The following SPMIP4 variants were observed in gnomAD, a reference collection of about 807,000 sequenced individuals.
SPMIP4 encodes the protein sperm microtubule inner protein 4, also known as sperm-associated microtubule inner protein 4.
At chr7:25,128,934 T>C in the SPMIP4 span, among the ~76,000 whole-genome samples, 9 of 152,216 alleles carry the variant, frequency 5.9e-5, no homozygotes, top group African/African-American at 2.2e-4. This position sits in a 1 kb window ranked among gnomAD's most constrained non-coding sequence, Gnocchi z 4.5. Flanking sequence ...AGAAATTTCA[T>C]GTGGGGGCTA....
chr7:25,144,790 T>C, the SPMIP4 span, among the ~76,000 whole-genome samples: 6 of 152,176 alleles, frequency 3.9e-5, no homozygotes, highest in Non-Finnish European at 7.4e-5. Context: ...CCTGTGAGAT[T>C]AGAGTGATTC....
chr7:25,145,112 A>T, the SPMIP4 span, among the ~76,000 whole-genome samples: 1 of 151,884 alleles, frequency 6.6e-6, no homozygotes, highest in Non-Finnish European at 1.5e-5. Flanking sequence ...ACAGATGTGC[A>T]CCACCACGCC....
the SPMIP4 span, among the ~76,000 whole-genome samples, chr7:25,175,691 G>A: frequency 6.6e-6 from 1 of 152,232 alleles, no homozygotes; most frequent in Admixed American, 6.5e-5. Flanking sequence ...CATTATGAAG[G>A]TAATCCTGAA....
the SPMIP4 span, chr7:25,136,886 T>A: frequency 8.1e-7 from 1 of 1,229,544 alleles, no homozygotes; most frequent in Non-Finnish European, 1.1e-6. This position sits in a 1 kb window ranked among gnomAD's most constrained non-coding sequence, Gnocchi z 5.7. Flanking sequence ...ATTGTCTGAG[T>A]ACACGAGATG....
the SPMIP4 span, among the ~76,000 whole-genome samples, chr7:25,140,682 G>A: frequency 6.6e-6 from 1 of 151,046 alleles, no homozygotes; most frequent in African/African-American, 2.4e-5. Flanking sequence ...CCATCCCCCT[G>A]GCTGAAGCGA....
chr7:25,154,857 C>A, the SPMIP4 span, among the ~76,000 whole-genome samples: 1 of 152,296 alleles, frequency 6.6e-6, no homozygotes, highest in East Asian at 1.9e-4. Flanking sequence ...GGCGCGCCAG[C>A]TGATTTGTAA....
the SPMIP4 span, among the ~76,000 whole-genome samples, chr7:25,162,175 G>A: frequency 4.0e-4 from 61 of 151,496 alleles, no homozygotes; most frequent in African/African-American, 1.5e-3. Flanking sequence ...GGAGGCTGAG[G>A]CATGAGAATT....
the SPMIP4 span, among the ~76,000 whole-genome samples, chr7:25,166,342 C>A: frequency 6.8e-6 from 1 of 146,658 alleles, no homozygotes; most frequent in East Asian, 2.0e-4. Flanking sequence ...AATCCCAGCA[C>A]TTTGGAAGGC....
chr7:25,129,798 C>T, the SPMIP4 span, among the ~76,000 whole-genome samples: 1 of 151,962 alleles, frequency 6.6e-6, no homozygotes, highest in Non-Finnish European at 1.5e-5. Context: ...GTTCTTCTTG[C>T]CTGCTGCCTA....
the SPMIP4 span, among the ~76,000 whole-genome samples, chr7:25,162,043 G>A: frequency 6.0e-3 from 908 of 151,888 alleles, 5 homozygotes; most frequent in African/African-American, 0.021. Flanking sequence ...GGCTGAGGTC[G>A]GCGGATCACT....
the SPMIP4 span, among the ~76,000 whole-genome samples, chr7:25,129,201 T>A: frequency 6.6e-6 from 1 of 152,326 alleles, no homozygotes; most frequent in African/African-American, 2.4e-5. Context: ...GCAACAGAAC[T>A]TGCCCAAGAA....
chr7:25,164,076 T>C, the SPMIP4 span, among the ~76,000 whole-genome samples: 1 of 152,172 alleles, frequency 6.6e-6, no homozygotes, highest in Admixed American at 6.5e-5. Context: ...CTAAAGAGTG[T>C]GGGACACGCT....
the SPMIP4 span, among the ~76,000 whole-genome samples, chr7:25,129,834 A>C: frequency 2.9e-4 from 44 of 152,194 alleles, no homozygotes; most frequent in African/African-American, 1.0e-3. Context: ...TGAGAGCAAC[A>C]GTTTTTGGAG....
the SPMIP4 span, chr7:25,158,551 A>G: frequency 2.5e-6 from 4 of 1,603,066 alleles, no homozygotes; most frequent in Non-Finnish European, 3.4e-6. Flanking sequence ...AACAGGAAAC[A>G]AGTTCTAACT....
chr7:25,135,784 A>G, the SPMIP4 span: 1 of 1,289,402 alleles, frequency 7.8e-7, no homozygotes, highest in African/African-American at 1.5e-5. Flanking sequence ...ACTTTTCAAG[A>G]AGTCATAACA....
At chr7:25,180,348 G>C in the SPMIP4 span, 1 of 152,358 alleles carries the variant, frequency 6.6e-6, no homozygotes, top group Admixed American at 6.5e-5. Flanking sequence ...GAGGCGAGAG[G>C]GGCTCTTCCG....
At chr7:25,166,233 C>CTTT in the SPMIP4 span, among the ~76,000 whole-genome samples, 4 of 131,210 alleles carry the variant, frequency 3.0e-5, no homozygotes, top group South Asian at 9.5e-4. Flanking sequence ...TTTCCGTCTT[C>CTTT]TTTTTTTTTT....
At chr7:25,134,704 A>C in the SPMIP4 span, 1 of 985,470 alleles carries the variant, frequency 1.0e-6, no homozygotes, top group African/African-American at 1.7e-5. Flanking sequence ...TTTATACTGG[A>C]GAGTTACACC....
the SPMIP4 span, chr7:25,180,076 C>G: frequency 6.6e-6 from 1 of 152,188 alleles, no homozygotes; most frequent in African/African-American, 2.4e-5. Flanking sequence ...GCACCTACGG[C>G]CCGGTGGAGC....
Sources: gnomAD v4.1 joint callset for allele counts (sites outside exome capture counted in the v4.1 genomes callset) on GRCh38, gnomAD v4.1.1 for gene constraint, Gnocchi (gnomAD v3.1) non-coding constraint, MANE v1.5 for transcripts, NCBI Gene and HGNC (gene_info 2026-07-23, HGNC 2026-07-21) for gene names.